The following UPF2 variants were observed in gnomAD, a reference collection of about 807,000 sequenced individuals.
UPF2 encodes the protein regulator of nonsense transcripts 2.
UPF2 carries 17 observed loss-of-function variants against 141.4 expected under a neutral mutation model. That is an observed-to-expected ratio of 0.12 (90% CI 0.08 to 0.18). UPF2 has a LOEUF of 0.18. Ranked by LOEUF, UPF2 falls within the 10% of genes least tolerant of loss-of-function variation. The pLI, the probability that UPF2 is intolerant of heterozygous loss-of-function variation, is 1.00. For missense variants in UPF2, 1,152 were observed against 1,515.9 expected (o/e 0.76, Z 3.99); for synonymous variants, 540 against 498.0 (o/e 1.08, Z -1.12).
intron 8 of UPF2, among the ~76,000 whole-genome samples, chr10:11,985,621 CA>C (rs1254604523): frequency 1.6e-3 from 136 of 82,806 alleles, no homozygotes; most frequent in Middle Eastern, 7.9e-3. Context: ...AGTCCGTCTC[CA>C]AAAAAAAAAA....
rs943044049 is a variant in UPF2 at position 11,979,663 on chromosome 10, T to C, written c.1845-498A>G. Among the ~76,000 whole-genome samples the C allele has an allele frequency of 6.6e-6, 1 of 152,136 alleles. No individual in the cohort carries two copies. The highest frequency in any genetic ancestry group is 2.4e-5 in the African/African-American group (1 of 41,420). ...AGCTCACGCCTGTAATCCCAGCACT[T>C]TGGGAGGCCGAGGCAGGCAGATCAT... On this transcript the variant is annotated intron_variant, in intron 8 of 21. Transcript: ENST00000357604. This position sits in a 1 kb window ranked among gnomAD's most constrained non-coding sequence, Gnocchi z 6.2.
chr10:11,981,025 C>A (rs1414212935), intron 8 of UPF2, among the ~76,000 whole-genome samples: 1 of 152,054 alleles, frequency 6.6e-6, no homozygotes, highest in African/African-American at 2.4e-5. Context: ...CCCATCTCTA[C>A]TAAAAATACA....
chr10:11,983,960 G>A (rs1417836789), intron 8 of UPF2, among the ~76,000 whole-genome samples: 2 of 151,320 alleles, frequency 1.3e-5, no homozygotes, highest in African/African-American at 4.9e-5. Context: ...TTTCGTTCTC[G>A]TTGCCCAGGC....
rs1291079223 is a variant in UPF2 at position 11,998,752 on chromosome 10, G to A, written c.1759-995C>T. ...ACCTGTAGTCCCAGCTACTCGGGAG[G>A]CTGAGGCAGGAGAATGGCGTGAACC... On this transcript the variant is annotated intron_variant, in intron 7 of 21. Coordinates refer to ENST00000357604, the MANE Select transcript of UPF2 (RefSeq NM_015542.4). The surrounding 1 kb of genome is among the most constrained non-coding windows in gnomAD (Gnocchi z 4.5). Among the ~76,000 whole-genome samples the A allele has an allele frequency of 3.3e-5, 5 of 152,142 alleles. No individual in the cohort carries two copies. Among genetic ancestry groups the A allele is most frequent in the Non-Finnish European group, 7.4e-5 (5 of 68,008 alleles).
intron 11 of UPF2, among the ~76,000 whole-genome samples, chr10:11,960,775 T>TAA (rs546012582): frequency 7.6e-6 from 1 of 131,684 alleles, no homozygotes. Context: ...TATCTCTTAA[T>TAA]AAAAAAAAAA....
chr10:11,974,998 T>A (rs1472271989), intron 9 of UPF2, among the ~76,000 whole-genome samples: 3 of 152,266 alleles, frequency 2.0e-5, no homozygotes, highest in African/African-American at 2.4e-5. Flanking sequence ...ATAATGGGGG[T>A]ATATAGTCAA....
rs182482325 is a variant in UPF2, at chr10:11,951,122, G to A, written c.3034+944C>T. On this transcript the variant is annotated intron_variant, in intron 15 of 21. Coordinates refer to ENST00000357604, the MANE Select transcript of UPF2 (RefSeq NM_015542.4). ...TTGTTACCCAGGCTGTAGTGCAATG[G>A]CGTGATCTTGGCTCACTCCAACCTC... Among the ~76,000 whole-genome samples the A allele has an allele frequency of 2.4e-4, 36 of 152,198 alleles. No homozygotes were observed. The East Asian group carries it at 7.0e-3, about 29-fold the overall frequency.
At chr10:11,987,310 T>G (rs1833708983) in intron 8 of UPF2, among the ~76,000 whole-genome samples, 1 of 152,246 alleles carries the variant, frequency 6.6e-6, no homozygotes, top group South Asian at 2.1e-4. Context: ...ACATGGACCC[T>G]TGCACTTAAA....
In UPF2 at chr10:12,042,253, A is replaced by G. The variant is rs2131326296; in HGVS notation, c.-19+502T>C. Among the ~76,000 whole-genome samples, 1 of 151,244 alleles carries G rather than the reference A, an allele frequency of 6.6e-6. No homozygotes were observed. Among genetic ancestry groups the G allele is most frequent in the African/African-American group, 2.4e-5 (1 of 41,178 alleles). On this transcript the variant is annotated intron_variant, in intron 1 of 21. Transcript: ENST00000357604. This position sits in a 1 kb window ranked among gnomAD's most constrained non-coding sequence, Gnocchi z 5.5. Reference sequence around the variant, plus strand: ...CAGGTATCCACGGTCACCTTCGCGGACCATCGCTGCCCCAACCCCAACTTC... The same window carrying G: ...CAGGTATCCACGGTCACCTTCGCGGGCCATCGCTGCCCCAACCCCAACTTC...
chr10:11,969,771 T>A (rs958669888), intron 9 of UPF2, among the ~76,000 whole-genome samples: 4 of 152,218 alleles, frequency 2.6e-5, no homozygotes, highest in Non-Finnish European at 5.9e-5. Flanking sequence ...ATCCCAGCAC[T>A]ATTACTTACA....
rs760987846 is a variant in UPF2 at position 11,920,982 on chromosome 10, C to G, written c.*316G>C. The G allele has an allele frequency of 3.3e-6, 2 of 608,520 alleles. No homozygotes were observed. Among genetic ancestry groups the G allele is most frequent in the Non-Finnish European group, 6.5e-6 (2 of 309,538 alleles). 37.7% of individuals were successfully genotyped at this position (608,520 alleles called of 1,614,324 possible). ...TTCTCTGGCTCAATCATCTCCTTCACGCTCTCCTTGGTGTAACTGCTCAGT... is the reference window on the plus strand; with the variant it reads ...TTCTCTGGCTCAATCATCTCCTTCAGGCTCTCCTTGGTGTAACTGCTCAGT... On this transcript the variant is annotated 3_prime_UTR_variant, in exon 22 of 22. Transcript: ENST00000357604.
chr10:11,956,918 T>C lies in UPF2; in HGVS notation c.2371-395A>G, dbSNP rs1265441568. Among the ~76,000 whole-genome samples, 1 of 152,098 alleles carries C rather than the reference T, an allele frequency of 6.6e-6. No individual in the cohort carries two copies. The highest frequency in any genetic ancestry group is 6.5e-5 in the Admixed American group (1 of 15,270). On this transcript the variant is annotated intron_variant, in intron 12 of 21. Transcript: ENST00000357604. The surrounding 1 kb of genome is among the most constrained non-coding windows in gnomAD (Gnocchi z 4.2). ...TCACTGCAACCTCCTCCTCCATGGC[T>C]CAAGCAATCCTCCCACCTCAGTCCC...
intron 16 of UPF2, among the ~76,000 whole-genome samples, chr10:11,947,471 A>G (rs74509772): frequency 0.06 from 9,129 of 152,232 alleles, 377 homozygotes; most frequent in Non-Finnish European, 0.092. Flanking sequence ...AAAAGTCCAT[A>G]TTCAACAGCG....
At chr10:11,946,457 C>T (rs1403052269) in intron 16 of UPF2, among the ~76,000 whole-genome samples, 1 of 152,152 alleles carries the variant, frequency 6.6e-6, no homozygotes, top group Non-Finnish European at 1.5e-5. Flanking sequence ...AAAATATTTA[C>T]ATCCCATTTA....
At chr10:12,021,378 A>T (rs921115524) in intron 3 of UPF2, among the ~76,000 whole-genome samples, 11 of 122,806 alleles carry the variant, frequency 9.0e-5, no homozygotes, top group African/African-American at 2.6e-4. Flanking sequence ...AAAAAAAAAA[A>T]ATTTTTTTAA....
In UPF2 at chr10:11,953,831, C is replaced by T. The variant is rs541347966; in HGVS notation, c.2850+1401G>A. ...GTTTCCCTCTACTGCAAAAGAATAGCGGTAGGAGCAAGCTAACAGACCGCA... is the reference window on the plus strand; with the variant it reads ...GTTTCCCTCTACTGCAAAAGAATAGTGGTAGGAGCAAGCTAACAGACCGCA... On this transcript the variant is annotated intron_variant, in intron 14 of 21. Transcript: ENST00000357604. This position sits in a 1 kb window ranked among gnomAD's most constrained non-coding sequence, Gnocchi z 5.0. 6.6e-6 allele frequency among the ~76,000 whole-genome samples: 1 copy of T among 152,122 alleles called. No homozygotes were observed. Among genetic ancestry groups the T allele is most frequent in the Non-Finnish European group, 1.5e-5 (1 of 68,000 alleles).
chr10:12,031,449 A>G (rs933165120), intron 2 of UPF2, among the ~76,000 whole-genome samples: 4 of 152,240 alleles, frequency 2.6e-5, no homozygotes, highest in Non-Finnish European at 5.9e-5. Context: ...TGCAGAAGTA[A>G]TAAAATAGGC....
intron 10 of UPF2, among the ~76,000 whole-genome samples, chr10:11,966,970 T>A (rs1013348719): frequency 1.3e-5 from 2 of 152,244 alleles, no homozygotes; most frequent in Admixed American, 6.5e-5. Flanking sequence ...GAAACCAGCT[T>A]TCATTTTATT....
intron 3 of UPF2, among the ~76,000 whole-genome samples, chr10:12,017,495 C>A (rs946244677): frequency 6.6e-6 from 1 of 152,192 alleles, no homozygotes; most frequent in African/African-American, 2.4e-5. Flanking sequence ...TGATTTCATT[C>A]TATGATGGTT....
Sources: allele counts gnomAD v4.1 joint callset (sites outside exome capture counted in the v4.1 genomes callset), GRCh38; gene constraint gnomAD v4.1.1; non-coding constraint Gnocchi (gnomAD v3.1); transcripts MANE v1.5; gene names NCBI Gene and HGNC (gene_info 2026-07-23, HGNC 2026-07-21).